MYH16: variants seen among roughly 807,000 people sequenced by gnomAD.
MYH16 encodes putative uncharacterized protein MYH16.
At chr7:99,292,501 G>A (rs922855065) in exon 32 of MYH16, 1 of 465,526 alleles carries the variant, frequency 2.1e-6, no homozygotes, top group African/African-American at 2.0e-5. Flanking sequence ...GGAGCTGGAG[G>A]AGACCAAGTG....
chr7:99,283,710 C>T (rs1025611239), intron 24 of MYH16, 59 bp downstream of exon 6: 4 of 454,890 alleles, frequency 8.8e-6, no homozygotes, highest in African/African-American at 2.0e-5. Flanking sequence ...TCTGGGGGCA[C>T]GGGGTCCGAA....
chr7:99,302,012 T>C (rs1792601859), intron 38 of MYH16, among the ~76,000 whole-genome samples: 1 of 152,018 alleles, frequency 6.6e-6, no homozygotes, highest in African/African-American at 2.4e-5. Context: ...ATAAAATATA[T>C]CCCAGCCTGG....
intron 28 of MYH16, among the ~76,000 whole-genome samples, chr7:99,286,949 T>C (rs1792288093): frequency 6.6e-6 from 1 of 152,196 alleles, no homozygotes; most frequent in Non-Finnish European, 1.5e-5. Flanking sequence ...AGCAAGACCC[T>C]GTCTCTCAAA....
chr7:99,264,292 T>C (rs10281195), exon 15 of MYH16: 27,662 of 152,640 alleles, frequency 0.18, 3,227 homozygotes, highest in African/African-American at 0.32. Context: ...TTCATGACAG[T>C]CTCCAATTTC....
At chr7:99,255,491 G>A in intron 8 of MYH16, 1 of 151,248 alleles carries the variant, frequency 6.6e-6, no homozygotes, top group Non-Finnish European at 1.5e-5. Context: ...AAGAAGGAAG[G>A]GAGGGAGGGA....
intron 14 of MYH16, among the ~76,000 whole-genome samples, chr7:99,263,615 TG>T (rs1791960393): frequency 6.6e-6 from 1 of 152,144 alleles, no homozygotes. Flanking sequence ...GAATGAAAAG[TG>T]GCTTGAGATA....
chr7:99,280,264 T>A (rs190736792), intron 22 of MYH16, among the ~76,000 whole-genome samples: 36 of 152,376 alleles, frequency 2.4e-4, no homozygotes, highest in African/African-American at 8.4e-4. Context: ...AGCAGCCATG[T>A]GCGTTAAGTG....
chr7:99,264,090 C>T (rs560677279), intron 14 of MYH16, among the ~76,000 whole-genome samples: 5 of 152,360 alleles, frequency 3.3e-5, no homozygotes, highest in African/African-American at 7.2e-5. Context: ...GATCACTCCC[C>T]GGTAGATCTC....
At chr7:99,260,117 TCTGTGC>T (rs1476819032) in intron 11 of MYH16, 1 of 1,507,372 alleles carries the variant, frequency 6.6e-7, no homozygotes, top group African/African-American at 1.4e-5. Flanking sequence ...GGAGAGGCTC[TCTGTGC>T]CTGTGCTGAC....
chr7:99,280,444 G>T (rs1369716379), intron 22 of MYH16, among the ~76,000 whole-genome samples: 1 of 152,204 alleles, frequency 6.6e-6, no homozygotes, highest in Non-Finnish European at 1.5e-5. Context: ...AGCTCCCTGG[G>T]GGAAGCCCTG....
At chr7:99,288,074 A>G (rs960113639) in exon 29 of MYH16, 4 of 456,740 alleles carry the variant, frequency 8.8e-6, no homozygotes, top group Non-Finnish European at 1.8e-5. Context: ...AGAAAGATAA[A>G]CAGGTCATGA....
intron 39 of MYH16, among the ~76,000 whole-genome samples, chr7:99,303,547 TC>T (rs552596466): frequency 9.3e-4 from 141 of 152,342 alleles, no homozygotes; most frequent in Non-Finnish European, 1.2e-3. Context: ...ACGCTTGTAA[TC>T]CCAGCACTTT....
chr7:99,277,477 C>T (rs1792130727), intron 20 of MYH16, 62 bp from the exon 3 acceptor site: 2 of 417,406 alleles, frequency 4.8e-6, no homozygotes, highest in Admixed American at 5.1e-5. Flanking sequence ...CTCCACAGCC[C>T]TCCGTCTACC....
chr7:99,281,494 G>A (rs1300416245), intron 23 of MYH16, among the ~76,000 whole-genome samples: 1 of 152,188 alleles, frequency 6.6e-6, no homozygotes, highest in Non-Finnish European at 1.5e-5. Flanking sequence ...CCCAGGAGTT[G>A]CAGGTTGCAG....
rs778732933 is a variant in MYH16 at position 99,272,831 on chromosome 7, T to C, written n.2404-511T>C. Among the ~76,000 whole-genome samples, 8 of 152,090 alleles carry C rather than the reference T, an allele frequency of 5.3e-5. No homozygotes were observed. The highest frequency in any genetic ancestry group is 2.1e-4 in the South Asian group (1 of 4,826). On this transcript the variant is annotated intron_variant and non_coding_transcript_variant, in intron 19 of 41. Transcript: ENST00000439784. Reference sequence around the variant, plus strand: ...TCATAGAATTAGTAATGAATTCCTGTTCCCATCAGCAGGCCACCTGCAGCC... The same window carrying C: ...TCATAGAATTAGTAATGAATTCCTGCTCCCATCAGCAGGCCACCTGCAGCC...
In MYH16 at chr7:99,273,339, C is replaced by T. The variant is rs772837531; in HGVS notation, n.2404-3C>T. 2.7e-4 allele frequency: 123 copies of T among 456,726 alleles called. No individual in the cohort carries two copies. Among genetic ancestry groups the T allele is most frequent in the Non-Finnish European group, 4.5e-4 (102 of 226,990 alleles). 28.3% of individuals were successfully genotyped at this position (456,726 alleles called of 1,614,324 possible). ...CCCACTCAACCCTGGATTCTTTTCGCAGAATGGGCCTGAAAGTCATTCAGC... is the reference window on the plus strand; with the variant it reads ...CCCACTCAACCCTGGATTCTTTTCGTAGAATGGGCCTGAAAGTCATTCAGC... On this transcript the variant is annotated splice_polypyrimidine_tract_variant and splice_region_variant and intron_variant and non_coding_transcript_variant, in intron 19 of 41. Coordinates refer to ENST00000439784, the Ensembl canonical transcript of MYH16.
chr7:99,279,953 C>T (rs1215197685), intron 22 of MYH16, among the ~76,000 whole-genome samples: 1 of 152,176 alleles, frequency 6.6e-6, no homozygotes, highest in Non-Finnish European at 1.5e-5. Context: ...CTCACTGCAA[C>T]CTCCCCCTCC....
At chr7:99,246,856 A>G (rs746094824) in intron 2 of MYH16, among the ~76,000 whole-genome samples, 17 of 152,168 alleles carry the variant, frequency 1.1e-4, no homozygotes, top group Non-Finnish European at 1.9e-4. Context: ...ATTCAAATCC[A>G]GATGGACCCC....
chr7:99,241,868 T>G (rs1791671386), intron 1 of MYH16, among the ~76,000 whole-genome samples: 1 of 151,088 alleles, frequency 6.6e-6, no homozygotes, highest in South Asian at 2.1e-4. Flanking sequence ...AGTTTTTTTT[T>G]TTTGTTTAGT....
Sources: allele counts gnomAD v4.1 joint callset (sites outside exome capture counted in the v4.1 genomes callset), GRCh38; gene constraint gnomAD v4.1.1; transcripts MANE v1.5; gene names NCBI Gene and HGNC (gene_info 2026-07-23, HGNC 2026-07-21).